The following TRMT11 variants were observed in gnomAD, a reference collection of about 807,000 sequenced individuals.
TRMT11 encodes the protein tRNA methyltransferase 11.
In TRMT11, 53 loss-of-function variants were observed where a neutral mutation model predicts 62.8. That is an observed-to-expected ratio of 0.84 (90% CI 0.68 to 1.06). TRMT11 has a LOEUF of 1.06. Among genes scored for constraint, TRMT11 ranks in the 50% least tolerant of loss-of-function variants. The probability of loss-of-function intolerance (pLI) is 0.00; values close to 1 mark genes in which losing one functional copy is unlikely to be tolerated. For synonymous variants in TRMT11, 188 were observed against 190.3 expected (o/e 0.99, Z 0.10); for missense variants, 556 against 553.4 (o/e 1.00, Z -0.05).
rs117962223 is a variant in TRMT11, at chr6:126,035,346, G to A, written c.1261-3359G>A. On this transcript the variant is annotated intron_variant, in intron 12 of 12. Coordinates refer to ENST00000334379, the MANE Select transcript of TRMT11 (RefSeq NM_001031712.3). Reference sequence around the variant, plus strand: ...TTGTGCTGCTAGATAATAGACTGGCGCCTGCCAGATCTCTGGCTGTGTAAG... The same window carrying A: ...TTGTGCTGCTAGATAATAGACTGGCACCTGCCAGATCTCTGGCTGTGTAAG... Among the ~76,000 whole-genome samples the A allele has an allele frequency of 9.1e-4, 138 of 152,198 alleles. No homozygotes were observed. The East Asian group carries it at 0.01, about 11-fold the overall frequency.
chr6:126,168,111 G>A (rs537583110), intron 21 of TRMT11, among the ~76,000 whole-genome samples: 30 of 152,182 alleles, frequency 2.0e-4, no homozygotes, highest in Non-Finnish European at 2.4e-4. Flanking sequence ...GAGACTAGGA[G>A]CTGGTTATCA....
At chr6:126,146,289 C>G (rs1777973643) in intron 21 of TRMT11, among the ~76,000 whole-genome samples, 2 of 152,124 alleles carry the variant, frequency 1.3e-5, no homozygotes, top group Admixed American at 1.3e-4. Flanking sequence ...GCAGAAGTTG[C>G]CTAGCTCTAA....
chr6:126,219,798 A>G, the TRMT11 span, among the ~76,000 whole-genome samples: 5 of 152,224 alleles, frequency 3.3e-5, no homozygotes, highest in Admixed American at 3.3e-4. Context: ...TAAATAATGA[A>G]TGAAGCATTT....
Position 126,031,071 on chromosome 6 carries a change from A to G in TRMT11, c.1261-7634A>G, listed in dbSNP as rs544373072. ...GAGGATGGGCATGGTGGTTGGGGCA[A>G]GGAGGTTGAGGAAATTCATATCTGA... On this transcript the variant is annotated intron_variant, in intron 12 of 12. Coordinates refer to ENST00000334379, the MANE Select transcript of TRMT11 (RefSeq NM_001031712.3). Among the ~76,000 whole-genome samples the G allele has an allele frequency of 1.6e-3, 239 of 152,212 alleles. 1 individual carries two copies. Among genetic ancestry groups the G allele is most frequent in the African/African-American group, 5.4e-3 (226 of 41,544 alleles).
intron 3 of TRMT11, among the ~76,000 whole-genome samples, chr6:125,997,648 T>C (rs1791749365): frequency 6.6e-6 from 1 of 152,120 alleles, no homozygotes; most frequent in Admixed American, 6.6e-5. Flanking sequence ...GCTGGGGCTA[T>C]GGGTGTGTGC....
intron 21 of TRMT11, among the ~76,000 whole-genome samples, chr6:126,163,137 G>C (rs1328883427): frequency 6.6e-6 from 1 of 152,058 alleles, no homozygotes; most frequent in Non-Finnish European, 1.5e-5. Flanking sequence ...GCCTTGTGCT[G>C]GTTTTCAAAA....
intron 7 of TRMT11, among the ~76,000 whole-genome samples, chr6:126,007,368 G>A (rs1380127452): frequency 6.6e-6 from 1 of 151,920 alleles, no homozygotes. Flanking sequence ...ATCTCAAAAG[G>A]TTATAAGGGA....
chr6:126,113,693 G>A (rs953961593), intron 18 of TRMT11, among the ~76,000 whole-genome samples: 1 of 152,044 alleles, frequency 6.6e-6, no homozygotes, highest in Non-Finnish European at 1.5e-5. Context: ...CTCAAAAAGT[G>A]ATTTCAATTT....
At chr6:126,240,184 C>A in the TRMT11 span, among the ~76,000 whole-genome samples, 4 of 152,104 alleles carry the variant, frequency 2.6e-5, no homozygotes, top group African/African-American at 9.7e-5. Flanking sequence ...GAAGTTTGAT[C>A]GTTTGAAGCC....
At chr6:126,097,584 A>AT (rs933554069) in intron 17 of TRMT11, among the ~76,000 whole-genome samples, 3 of 151,892 alleles carry the variant, frequency 2.0e-5, no homozygotes, top group African/African-American at 7.3e-5. Context: ...ATTTTCCTTT[A>AT]TTTTTAAAAG....
chr6:126,106,093 A>T (rs1157650813), intron 17 of TRMT11, among the ~76,000 whole-genome samples: 1 of 151,614 alleles, frequency 6.6e-6, no homozygotes, highest in East Asian at 1.9e-4. Context: ...CTCCTGGTCC[A>T]TGTGACATCC....
chr6:126,044,504 C>T (rs1775988918), intron 16 of TRMT11, among the ~76,000 whole-genome samples: 1 of 152,068 alleles, frequency 6.6e-6, no homozygotes. Flanking sequence ...CTCCATTTTT[C>T]TACATACCAA....
At chr6:125,986,651 C>G (rs568450521) in intron 1 of TRMT11, 29 bp downstream of exon 1, 1 of 1,561,968 alleles carries the variant, frequency 6.4e-7, no homozygotes, top group Non-Finnish European at 8.7e-7. Flanking sequence ...CCGGAACTTC[C>G]GACGGAAGAG....
At chr6:126,043,901 G>A (rs186928317), downstream of TRMT11, among the ~76,000 whole-genome samples, 51 of 152,200 alleles carry the variant, frequency 3.4e-4, no homozygotes, top group East Asian at 9.1e-3. Context: ...TGATGGGGTC[G>A]TTTGTTTTTT....
intron 12 of TRMT11, among the ~76,000 whole-genome samples, chr6:126,032,499 C>T (rs1774389535): frequency 6.6e-6 from 1 of 152,104 alleles, no homozygotes; most frequent in Non-Finnish European, 1.5e-5. Context: ...ACTGTGTTTC[C>T]TCTTCCTAGA....
At chr6:126,180,492 G>T (rs1778446099) in intron 1 of TRMT11, among the ~76,000 whole-genome samples, 1 of 152,146 alleles carries the variant, frequency 6.6e-6, no homozygotes, top group Non-Finnish European at 1.5e-5. Context: ...GAAAATTTAT[G>T]CAGGGAAAAT....
chr6:126,104,470 G>A (rs67585328), intron 17 of TRMT11, among the ~76,000 whole-genome samples: 13,499 of 152,206 alleles, frequency 0.089, 1,052 homozygotes, highest in African/African-American at 0.21. Context: ...CCACAGCTGT[G>A]AAGAATGGAT....
At chr6:126,175,246 C>G (rs147664203), upstream of TRMT11, among the ~76,000 whole-genome samples, 167 of 152,260 alleles carry the variant, frequency 1.1e-3, no homozygotes, top group African/African-American at 3.8e-3. Flanking sequence ...AGAATTAAAC[C>G]TGCTATAGCT....
intron 21 of TRMT11, among the ~76,000 whole-genome samples, chr6:126,157,906 T>TAC (rs1207537114): frequency 1.3e-5 from 2 of 152,218 alleles, no homozygotes; most frequent in African/African-American, 2.4e-5. Flanking sequence ...TGAATTTGTG[T>TAC]ACATGTTAAT....
Sources: allele counts gnomAD v4.1 joint callset (sites outside exome capture counted in the v4.1 genomes callset), GRCh38; gene constraint gnomAD v4.1.1; transcripts MANE v1.5; gene names NCBI Gene and HGNC (gene_info 2026-07-23, HGNC 2026-07-21).